CELSR1: variants seen among roughly 807,000 people sequenced by gnomAD.
CELSR1 encodes the protein adhesion G protein-coupled receptor C1.
In CELSR1, 110 loss-of-function variants were observed where a neutral mutation model predicts 249.1. That is an observed-to-expected ratio of 0.44 (90% CI 0.38 to 0.52). The LOEUF (loss-of-function observed/expected upper bound fraction) is 0.52. Ranked by LOEUF, CELSR1 falls within the 20% of genes least tolerant of loss-of-function variation. The probability of loss-of-function intolerance (pLI) is 0.00; values close to 1 mark genes in which losing one functional copy is unlikely to be tolerated. For missense variants in CELSR1, 4,109 were observed against 4,296.4 expected, an observed-to-expected ratio of 0.96 and a Z score of 1.22; for synonymous variants, 2,113 against 1,900.0, an observed-to-expected ratio of 1.11 and a Z score of -2.92.
chr22:46,456,640 G>A (rs1212876238), intron 2 of CELSR1, among the ~76,000 whole-genome samples: 1 of 140,948 alleles, frequency 7.1e-6, no homozygotes, highest in Non-Finnish European at 1.5e-5. Flanking sequence ...TTCAGCCTGG[G>A]CGACAGAGCG....
rs1474550168 is a variant in CELSR1, at chr22:46,490,977, TGTTCCCCTACAA to T, written c.3545-26644_3545-26633del. Among the ~76,000 whole-genome samples the T allele has an allele frequency of 6.6e-6, 1 of 152,124 alleles. No individual in the cohort carries two copies. Among genetic ancestry groups the T allele is most frequent in the Non-Finnish European group, 1.5e-5 (1 of 68,024 alleles). On this transcript the variant is annotated intron_variant, in intron 1 of 34. Coordinates refer to ENST00000674500, the MANE Select transcript of CELSR1 (RefSeq NM_001378328.1). The surrounding 1 kb of genome is among the most constrained non-coding windows in gnomAD (Gnocchi z 5.2). The stretch of plus-strand genomic sequence containing the variant: ...CTCTGCACCCACAGGCGGGGGATTT[TGTTCCCCTACAA>T]GTTCAGGACCTCGGAAGTCAGGAGA...
chr22:46,381,954 C>A lies in CELSR1; in HGVS notation c.6980G>T (p.Arg2327Met), dbSNP rs866390041. ...CTGGCCAGCGTCATCAGGGTGTCGC[C>A]TCCGCCTGCTGATCGGGGCCTCCCT... is the stretch of plus-strand genomic sequence containing the variant. ...TEREAPISRR[R>M]RHPDDAGQFA... The change falls in exon 21 of 35, where the codon AGG (arginine) becomes ATG (methionine). Residue 2327 changes from arginine (R) to methionine (M), a missense_variant. This residue lies in a region of CELSR1 where 1,805 missense variants were observed against 1,831.6 expected (regional missense o/e 0.99). Coordinates refer to ENST00000674500, the MANE Select transcript of CELSR1 (RefSeq NM_001378328.1). This position sits in a 1 kb window ranked among gnomAD's most constrained non-coding sequence, Gnocchi z 6.0. 2 of 1,564,414 alleles carry A rather than the reference C, an allele frequency of 1.3e-6. No homozygotes were observed. The highest frequency in any genetic ancestry group is 1.7e-6 in the Non-Finnish European group (2 of 1,156,714).
In CELSR1 at chr22:46,365,257, C is replaced by G. The variant is rs1456307825; in HGVS notation, c.8528G>C (p.Arg2843Thr). The G allele has an allele frequency of 1.2e-6, 2 of 1,612,372 alleles. No homozygotes were observed. The highest frequency in any genetic ancestry group is 2.7e-5 in the African/African-American group (2 of 74,946). Residue 2843 changes from arginine (R) to threonine (T), a missense_variant, in exon 32 of 35, where the codon AGG becomes ACG. Arg to Thr is a moderately conservative substitution (Grantham distance 71). Around this residue, in one of 7 missense-constraint regions of CELSR1, gnomAD observed 1,805 missense variants for 1,831.6 expected, o/e 0.99. Transcript: ENST00000674500. ...TTTGGGGGTGCTGTGGACGGCGCCC[C>G]TGGCCGGGTCCCATTTTTCCTCAGC... is the stretch of plus-strand genomic sequence containing the variant. ...VGAEEKWDPA[R>T]GAVHSTPKGD... is the part of the protein sequence containing the mutation.
rs2079085324 is a variant in CELSR1, at chr22:46,391,084, A to AT, written c.6250+101dup. On this transcript the variant is annotated intron_variant, in intron 16 of 34. Transcript: ENST00000674500. The surrounding 1 kb of genome is among the most constrained non-coding windows in gnomAD (Gnocchi z 4.3). ...TCTCCCCAGCACTTTGCCTGCGGATATTTTTTCAACACGAAACATTCCATG... is the reference window on the plus strand; with the variant it reads ...TCTCCCCAGCACTTTGCCTGCGGATATTTTTTTCAACACGAAACATTCCATG... 2.1e-6 allele frequency: 2 copies of AT among 962,082 alleles called. No homozygotes were observed. The highest frequency in any genetic ancestry group is 4.6e-5 in the Admixed American group (2 of 43,278). The allele number at this position is 962,082 out of a possible 1,614,324, so 59.6% of individuals were successfully genotyped here.
Position 46,417,822 on chromosome 22 carries a change from G to A in CELSR1, c.4612-6063C>T, listed in dbSNP as rs535467247. Among the ~76,000 whole-genome samples, 5 of 152,170 alleles carry A rather than the reference G, an allele frequency of 3.3e-5. No individual in the cohort carries two copies. The highest frequency in any genetic ancestry group is 1.9e-4 in the East Asian group (1 of 5,202). ...GAAACTGTGCAGTGTCTGAGCTGGC[G>A]TGGCTGATATTACTATCATCCTCAT... On this transcript the variant is annotated intron_variant, in intron 5 of 34. Coordinates refer to ENST00000674500, the MANE Select transcript of CELSR1 (RefSeq NM_001378328.1). This position sits in a 1 kb window ranked among gnomAD's most constrained non-coding sequence, Gnocchi z 4.1.
chr22:46,404,471 C>G (rs1300930945), intron 9 of CELSR1, among the ~76,000 whole-genome samples: 1 of 152,068 alleles, frequency 6.6e-6, no homozygotes, highest in African/African-American at 2.4e-5. Flanking sequence ...ACCTAGAAAT[C>G]TACTTCTAAA....
At chr22:46,376,815 A>T (rs548638001) in intron 24 of CELSR1, among the ~76,000 whole-genome samples, 1 of 151,674 alleles carries the variant, frequency 6.6e-6, no homozygotes, top group Admixed American at 6.6e-5. Flanking sequence ...AAAAAAAAAA[A>T]AAAGAAAGAA....
chr22:46,492,232 G>A (rs1038990601), intron 1 of CELSR1, among the ~76,000 whole-genome samples: 2 of 152,168 alleles, frequency 1.3e-5, no homozygotes, highest in African/African-American at 2.4e-5. Context: ...AGATCTCCAC[G>A]TTCACAGGCT....
At chr22:46,369,973 T>G in intron 25 of CELSR1, 169 bp from the exon 26 acceptor site, 3 of 680,114 alleles carry the variant, frequency 4.4e-6, no homozygotes, top group East Asian at 2.8e-5. Flanking sequence ...GCACAGTCTC[T>G]CCGTGTAGGG....
Position 46,400,217 on chromosome 22 carries a change from C to T in CELSR1, c.5227-315G>A, listed in dbSNP as rs2079196468. On this transcript the variant is annotated intron_variant, in intron 9 of 34. Transcript: ENST00000674500. Reference sequence around the variant, plus strand: ...TGGTGGTAGGTGCCTGTAATCCTGGCTACTCAGAGGCTGGGGCAGGAGAAC... The same window carrying T: ...TGGTGGTAGGTGCCTGTAATCCTGGTTACTCAGAGGCTGGGGCAGGAGAAC... 2.6e-5 allele frequency among the ~76,000 whole-genome samples: 4 copies of T among 151,616 alleles called. No homozygotes were observed. In the South Asian group the frequency reaches 8.4e-4, roughly 32 times the overall value.
In CELSR1 at chr22:46,439,395, C is replaced by T. The variant is rs767049908; in HGVS notation, c.4200G>A (p.Val1400=). Residue 1400 remains valine, a synonymous_variant, in exon 3 of 35, where the codon GTG becomes GTA. Coordinates refer to ENST00000674500, the MANE Select transcript of CELSR1 (RefSeq NM_001378328.1). ...FEDFTGEHCE[V]DARSGRCANG... is the part of the protein sequence containing the mutation. The stretch of plus-strand genomic sequence containing the variant: ...TGGCACAGCGGCCTGAGCGGGCATC[C>T]ACCTCACAGTGCTCTCCTGGGGGGC... 2 of 1,613,070 alleles carry T rather than the reference C, an allele frequency of 1.2e-6. No homozygotes were observed. Among genetic ancestry groups the T allele is most frequent in the Non-Finnish European group, 1.7e-6 (2 of 1,179,900 alleles).
At position 46,391,903 on chromosome 22, in the gene CELSR1, TC is replaced by T; in HGVS notation, c.5965-88del. ...CGTGTTTCCCGAGCGACGTCCAGAC[TC>T]CCACCCGGGTGTGTGTGTTGGCCGC... On this transcript the variant is annotated intron_variant, in intron 14 of 34. Transcript: ENST00000674500. This position sits in a 1 kb window ranked among gnomAD's most constrained non-coding sequence, Gnocchi z 4.3. The T allele has an allele frequency of 7.2e-7, 1 of 1,397,016 alleles. No individual in the cohort carries two copies. Among genetic ancestry groups the T allele is most frequent in the Non-Finnish European group, 9.7e-7 (1 of 1,030,276 alleles). 86.5% of individuals were successfully genotyped at this position (1,397,016 alleles called of 1,614,324 possible). A position where few individuals can be genotyped will look rare whatever the true frequency, so the allele number is the denominator to read the frequency against.
intron 20 of CELSR1, among the ~76,000 whole-genome samples, chr22:46,383,484 C>T (rs750524093): frequency 2.6e-5 from 4 of 151,962 alleles, no homozygotes; most frequent in Non-Finnish European, 4.4e-5. Context: ...TGTTTTTTTG[C>T]GGGAAGGGGA....
In CELSR1 at chr22:46,490,265, T is replaced by C. The variant is rs1282302273; in HGVS notation, c.3545-25920A>G. Among the ~76,000 whole-genome samples, 2 of 152,096 alleles carry C rather than the reference T, an allele frequency of 1.3e-5. No individual in the cohort carries two copies. Among genetic ancestry groups the C allele is most frequent in the African/African-American group, 4.8e-5 (2 of 41,428 alleles). ...AAAAGAGGGATTCCCCAGGGTCACCTGGAGAGGTTTTATTTTTATTTTGTT... is the reference window on the plus strand; with the variant it reads ...AAAAGAGGGATTCCCCAGGGTCACCCGGAGAGGTTTTATTTTTATTTTGTT... On this transcript the variant is annotated intron_variant, in intron 1 of 34. Transcript: ENST00000674500. This position sits in a 1 kb window ranked among gnomAD's most constrained non-coding sequence, Gnocchi z 5.2.
At chr22:46,385,363 G>A (rs1226754677) in intron 19 of CELSR1, among the ~76,000 whole-genome samples, 1 of 152,148 alleles carries the variant, frequency 6.6e-6, no homozygotes, top group Non-Finnish European at 1.5e-5. Flanking sequence ...TCCCAGTGCT[G>A]GGATTACAGG....
In CELSR1 at chr22:46,506,289, C is replaced by T. The variant is rs1177640388; in HGVS notation, c.3544+27338G>A. Among the ~76,000 whole-genome samples, 1 of 152,196 alleles carries T rather than the reference C, an allele frequency of 6.6e-6. No individual in the cohort carries two copies. The highest frequency in any genetic ancestry group is 1.9e-4 in the East Asian group (1 of 5,198). On this transcript the variant is annotated intron_variant, in intron 1 of 34. Transcript: ENST00000674500. The surrounding 1 kb of genome is among the most constrained non-coding windows in gnomAD (Gnocchi z 4.1). ...GAGCACCCGCCATGATCCCTCCAAG[C>T]CTGGCACCTCCACCGTGCCTGGCCT...
intron 24 of CELSR1, among the ~76,000 whole-genome samples, chr22:46,376,368 A>G (rs2078918087): frequency 1.3e-5 from 2 of 152,142 alleles, no homozygotes; most frequent in South Asian, 4.1e-4. Flanking sequence ...TAGTCTTTCT[A>G]CATCTTAAAT....
chr22:46,439,951 C>G (rs993044105), intron 2 of CELSR1, among the ~76,000 whole-genome samples: 1 of 152,172 alleles, frequency 6.6e-6, no homozygotes, highest in Non-Finnish European at 1.5e-5. Context: ...ACACAGACCC[C>G]TCGCACTGTC....
At position 46,411,497 on chromosome 22, in the gene CELSR1, G is replaced by C; in HGVS notation, c.4769+105C>G. ...TCTAGCCTGGAATGAGGTCGCCAGG[G>C]CACTGCACCCAGAGTGCCTACGTGG... is the stretch of plus-strand genomic sequence containing the variant. On this transcript the variant is annotated intron_variant, in intron 6 of 34. Coordinates refer to ENST00000674500, the MANE Select transcript of CELSR1 (RefSeq NM_001378328.1). This position sits in a 1 kb window ranked among gnomAD's most constrained non-coding sequence, Gnocchi z 4.2. The C allele has an allele frequency of 7.5e-7, 1 of 1,338,562 alleles. No individual in the cohort carries two copies. Among genetic ancestry groups the C allele is most frequent in the South Asian group, 1.4e-5 (1 of 72,926 alleles). The allele number at this position is 1,338,562 out of a possible 1,614,324, so 82.9% of individuals were successfully genotyped here.
Sources: gnomAD v4.1 joint callset for allele counts (sites outside exome capture counted in the v4.1 genomes callset) on GRCh38, gnomAD v4.1.1 for gene constraint, gnomAD v4.1.1 regional missense constraint, Gnocchi (gnomAD v3.1) non-coding constraint, MANE v1.5 for transcripts, NCBI Gene and HGNC (gene_info 2026-07-23, HGNC 2026-07-21) for gene names.